Variants in MAP3K9 observed in about 807,000 individuals in gnomAD.
MAP3K9 encodes mitogen-activated protein kinase kinase kinase 9.
In MAP3K9, 46 loss-of-function variants were observed where a neutral mutation model predicts 95.8. The ratio of observed to expected loss-of-function variants is 0.48; its 90% CI spans 0.38 to 0.61. The LOEUF (loss-of-function observed/expected upper bound fraction) is 0.61. Ranked by LOEUF, MAP3K9 falls within the 20% of genes least tolerant of loss-of-function variation. The pLI, the probability that MAP3K9 is intolerant of heterozygous loss-of-function variation, is 0.00. For synonymous variants in MAP3K9, 533 were observed against 593.8 expected (o/e 0.90, Z 1.49); for missense variants, 1,296 against 1,474.3 (o/e 0.88, Z 1.98).
chr14:70,786,954 G>A (rs1353177083), intron 2 of MAP3K9, among the ~76,000 whole-genome samples: 1 of 152,006 alleles, frequency 6.6e-6, no homozygotes, highest in Non-Finnish European at 1.5e-5. Context: ...GACCCTGAAG[G>A]TTAACAGAAT....
intron 2 of MAP3K9, among the ~76,000 whole-genome samples, chr14:70,778,733 C>T (rs927951465): frequency 1.3e-5 from 2 of 152,170 alleles, no homozygotes; most frequent in African/African-American, 4.8e-5. Flanking sequence ...TCTCTATTTA[C>T]GGATATGTAC....
Position 70,748,822 on chromosome 14 carries a change from T to C in MAP3K9, c.1326+7A>G, listed in dbSNP as rs532940848. ...CGTTTTTTTGTTGTTTTTTTTGTTT[T>C]GTTTACCTTTTCTTTGGCCCTGAGT... On this transcript the variant is annotated splice_region_variant and intron_variant, in intron 5 of 11. Transcript: ENST00000554752. The C allele has an allele frequency of 1.4e-5, 22 of 1,585,406 alleles. No homozygotes were observed. In the South Asian group the frequency reaches 2.6e-4, roughly 19 times the overall value.
chr14:70,792,215 G>A (rs1265237939), intron 2 of MAP3K9, among the ~76,000 whole-genome samples: 1 of 152,214 alleles, frequency 6.6e-6, no homozygotes. Flanking sequence ...CTCTGGCATA[G>A]CCTCCTGCAA....
intron 2 of MAP3K9, among the ~76,000 whole-genome samples, chr14:70,767,689 A>G (rs1185863999): frequency 6.6e-6 from 1 of 152,172 alleles, no homozygotes; most frequent in Non-Finnish European, 1.5e-5. Flanking sequence ...ACAATGTGAC[A>G]AAAGTGAGTA....
chr14:70,794,872 T>G (rs1313619612), intron 2 of MAP3K9, among the ~76,000 whole-genome samples: 1 of 151,622 alleles, frequency 6.6e-6, no homozygotes, highest in Non-Finnish European at 1.5e-5. Flanking sequence ...AGAGACGGGG[T>G]TTCACTGTGT....
intron 2 of MAP3K9, among the ~76,000 whole-genome samples, chr14:70,764,408 A>C (rs1337944436): frequency 6.6e-6 from 1 of 151,302 alleles, no homozygotes; most frequent in African/African-American, 2.4e-5. Context: ...TTTAACAAAA[A>C]AGTTTAAAAT....
At chr14:70,740,579 A>T (rs2139728140) in intron 6 of MAP3K9, among the ~76,000 whole-genome samples, 1 of 152,322 alleles carries the variant, frequency 6.6e-6, no homozygotes, top group Admixed American at 6.5e-5. Flanking sequence ...AGGGACACTG[A>T]TTCTTCTCAC....
rs138094881 is a variant in MAP3K9 at position 70,746,969 on chromosome 14, C to T, written c.1326+1860G>A. Among the ~76,000 whole-genome samples, 15 of 152,346 alleles carry T rather than the reference C, an allele frequency of 9.8e-5. No homozygotes were observed. In the East Asian group the frequency reaches 2.9e-3, roughly 29 times the overall value. On this transcript the variant is annotated intron_variant, in intron 5 of 11. Coordinates refer to ENST00000554752, the MANE Select transcript of MAP3K9 (RefSeq NM_001284230.2). ...GGAACAGTCTTTTGTAATCATTCTG[C>T]TCAACAGCCAGTGCAAGTCCACCCA...
intron 2 of MAP3K9, among the ~76,000 whole-genome samples, chr14:70,794,463 C>G (rs941915541): frequency 6.6e-6 from 1 of 152,108 alleles, no homozygotes; most frequent in Non-Finnish European, 1.5e-5. Context: ...CAATGAAATA[C>G]CCCAGCTGTC....
rs2053810151 is a variant in MAP3K9 at position 70,725,640 on chromosome 14, A to T, written c.*4740T>A. 6.6e-6 allele frequency: 1 copy of T among 152,220 alleles called. No individual in the cohort carries two copies. Among genetic ancestry groups the T allele is most frequent in the East Asian group, 1.9e-4 (1 of 5,200 alleles). 9.4% of individuals were successfully genotyped at this position (152,220 alleles called of 1,614,324 possible). A position where few individuals can be genotyped will look rare whatever the true frequency, so the allele number is the denominator to read the frequency against. On this transcript the variant is annotated 3_prime_UTR_variant, in exon 12 of 12. Coordinates refer to ENST00000554752, the MANE Select transcript of MAP3K9 (RefSeq NM_001284230.2). ...CATATGTGAATTTTCATTAATTTGA[A>T]TTCCTAATCTAGGAATACGCTGATC...
chr14:70,762,239 T>G (rs1322637557), intron 2 of MAP3K9, among the ~76,000 whole-genome samples: 1 of 152,164 alleles, frequency 6.6e-6, no homozygotes, highest in Non-Finnish European at 1.5e-5. Context: ...TTGTTGTCAT[T>G]TGGGGGGTAC....
chr14:70,771,608 GC>G (rs1312721077), intron 2 of MAP3K9, among the ~76,000 whole-genome samples: 1 of 152,040 alleles, frequency 6.6e-6, no homozygotes, highest in African/African-American at 2.4e-5. Context: ...CCTTCACCAG[GC>G]CCCCATTTCC....
chr14:70,795,566 C>T (rs1284821234), intron 2 of MAP3K9, among the ~76,000 whole-genome samples: 1 of 152,112 alleles, frequency 6.6e-6, no homozygotes, highest in Non-Finnish European at 1.5e-5. Context: ...CCCACCTCAG[C>T]CTCCCAAAGT....
intron 3 of MAP3K9, among the ~76,000 whole-genome samples, chr14:70,758,112 C>A (rs2054321172): frequency 1.3e-5 from 2 of 151,900 alleles, no homozygotes; most frequent in Admixed American, 1.3e-4. Flanking sequence ...GAAAAACAAT[C>A]TACAGAATGG....
intron 2 of MAP3K9, among the ~76,000 whole-genome samples, chr14:70,794,450 C>A: frequency 6.6e-6 from 1 of 152,090 alleles, no homozygotes; most frequent in African/African-American, 2.4e-5. Context: ...CCACACAGAA[C>A]AACAATGAAA....
chr14:70,780,658 C>T (rs574805891), intron 2 of MAP3K9, among the ~76,000 whole-genome samples: 2 of 152,144 alleles, frequency 1.3e-5, no homozygotes, highest in African/African-American at 2.4e-5. Flanking sequence ...CTCATCCAGG[C>T]GCAGATATCA....
rs1320862743 is a variant in MAP3K9, at chr14:70,809,127, G to T, written c.45C>A (p.Ala15=). 4.3e-6 allele frequency: 6 copies of T among 1,381,300 alleles called. No homozygotes were observed. In the African/African-American group the frequency reaches 4.6e-5, roughly 11 times the overall value. 85.6% of individuals were successfully genotyped at this position (1,381,300 alleles called of 1,614,324 possible). A position where few individuals can be genotyped will look rare whatever the true frequency, so the allele number is the denominator to read the frequency against. ...CATCCTCCCCCGGCGGGGCGGCAGC[G>T]GCGGCGCTCGCTAGGCAGCCGAGAA... The part of the protein sequence containing the change: ...RALLGCLASA[A]AAAPPGEDGA... Residue 15 remains alanine (A), a synonymous_variant, in exon 1 of 12, where the codon GCC becomes GCA. Coordinates refer to ENST00000554752, the MANE Select transcript of MAP3K9 (RefSeq NM_001284230.2).
At chr14:70,785,365 T>C (rs2054733363) in intron 2 of MAP3K9, among the ~76,000 whole-genome samples, 1 of 152,248 alleles carries the variant, frequency 6.6e-6, no homozygotes, top group African/African-American at 2.4e-5. Flanking sequence ...TATACTGTTT[T>C]TTCCTATACA....
intron 7 of MAP3K9, among the ~76,000 whole-genome samples, chr14:70,739,708 G>A (rs1267168209): frequency 6.6e-6 from 1 of 152,174 alleles, no homozygotes. Flanking sequence ...ATGGCAAAGA[G>A]TGTGTTAGGT....
Sources: allele counts gnomAD v4.1 joint callset (sites outside exome capture counted in the v4.1 genomes callset), GRCh38; gene constraint gnomAD v4.1.1; transcripts MANE v1.5; gene names NCBI Gene and HGNC (gene_info 2026-07-23, HGNC 2026-07-21).